Variants in PCDH15 observed in about 807,000 individuals in gnomAD.
The protein encoded by PCDH15 is protocadherin-15.
PCDH15 carries 129 observed loss-of-function variants against 178.5 expected under a neutral mutation model. That is an observed-to-expected ratio of 0.72 (90% CI 0.63 to 0.84). The LOEUF (loss-of-function observed/expected upper bound fraction) is 0.84. PCDH15 is among the 40% of genes least tolerant of loss of function. The pLI is 0.00. For missense variants in PCDH15, 2,230 were observed against 2,099.9 expected, an observed-to-expected ratio of 1.06 and a Z score of -1.21; for synonymous variants, 800 against 732.0, an observed-to-expected ratio of 1.09 and a Z score of -1.50.
chr10:55,155,786 T>C (rs57145148), intron 2 of PCDH15, among the ~76,000 whole-genome samples: 1,985 of 151,628 alleles, frequency 0.013, 38 homozygotes, highest in African/African-American at 0.043. Flanking sequence ...TCAGTGCACA[T>C]AGTATGTCTA....
rs138311722 is a variant in PCDH15, at chr10:55,441,172, C to A, written c.-156+186453G>T. Among the ~76,000 whole-genome samples the A allele has an allele frequency of 3.9e-5, 6 of 152,290 alleles. No individual in the cohort carries two copies. The East Asian group carries it at 1.2e-3, about 29-fold the overall frequency. On this transcript the variant is annotated intron_variant, in intron 2 of 5. Transcript: ENST00000613346. Reference sequence around the variant, plus strand: ...ACCTAAAAGCAGTTTTATCTAATAGCTACTGAAACAACCAGCTCTGACTGT... The same window carrying A: ...ACCTAAAAGCAGTTTTATCTAATAGATACTGAAACAACCAGCTCTGACTGT...
At chr10:54,966,888 C>A (rs1450309081) in intron 2 of PCDH15, among the ~76,000 whole-genome samples, 1 of 152,006 alleles carries the variant, frequency 6.6e-6, no homozygotes. Context: ...TCTTTATCAG[C>A]AGCATGAAAA....
chr10:54,699,419 C>G (rs1352626482), intron 1 of PCDH15, among the ~76,000 whole-genome samples: 1 of 152,074 alleles, frequency 6.6e-6, no homozygotes, highest in Non-Finnish European at 1.5e-5. Flanking sequence ...TTAAGTGACT[C>G]TATCAAGACC....
intron 1 of PCDH15, among the ~76,000 whole-genome samples, chr10:55,181,610 T>A (rs1293925169): frequency 6.6e-6 from 1 of 151,954 alleles, no homozygotes; most frequent in Non-Finnish European, 1.5e-5. Context: ...AGTGTCAACA[T>A]TTTTAAAGAT....
intron 1 of PCDH15, among the ~76,000 whole-genome samples, chr10:55,274,257 A>G (rs1842526013): frequency 6.6e-6 from 1 of 152,110 alleles, no homozygotes; most frequent in South Asian, 2.1e-4. Context: ...AATACACCAC[A>G]GGTGATTATG....
At chr10:54,616,885 G>C (rs1394347211) in intron 2 of PCDH15, among the ~76,000 whole-genome samples, 2 of 151,878 alleles carry the variant, frequency 1.3e-5, no homozygotes, top group South Asian at 2.1e-4. Context: ...TAATAATTTA[G>C]AAGCTTATAA....
chr10:55,565,354 TAA>T (rs1353821045), intron 2 of PCDH15, among the ~76,000 whole-genome samples: 2 of 151,594 alleles, frequency 1.3e-5, no homozygotes, highest in African/African-American at 2.4e-5. Flanking sequence ...AAAGCAGCGC[TAA>T]GAGAGAAATG....
At chr10:54,292,811 TAA>T (rs986705421) in intron 8 of PCDH15, among the ~76,000 whole-genome samples, 4 of 151,850 alleles carry the variant, frequency 2.6e-5, no homozygotes, top group Admixed American at 2.6e-4. Context: ...CTCAATGATA[TAA>T]AAGACACAAA....
At chr10:55,581,815 C>T (rs1186321424) in intron 2 of PCDH15, among the ~76,000 whole-genome samples, 1 of 151,964 alleles carries the variant, frequency 6.6e-6, no homozygotes, top group African/African-American at 2.4e-5. Flanking sequence ...TACATGCGTG[C>T]ACACACACAC....
intron 1 of PCDH15, among the ~76,000 whole-genome samples, chr10:55,244,894 G>T (rs1325326445): frequency 6.6e-6 from 1 of 151,788 alleles, no homozygotes; most frequent in Non-Finnish European, 1.5e-5. Context: ...AATTTTTGCT[G>T]TAGATTAACA....
chr10:55,225,869 G>C (rs1198726979), intron 1 of PCDH15, among the ~76,000 whole-genome samples: 1 of 152,006 alleles, frequency 6.6e-6, no homozygotes, highest in African/African-American at 2.4e-5. Context: ...CAATGTTGAA[G>C]CTAAGATTCT....
rs1841007400 is a variant in PCDH15, at chr10:53,803,836, CT to C, written c.*2742del. The C allele has an allele frequency of 6.6e-6, 1 of 151,946 alleles. No individual in the cohort carries two copies. The highest frequency in any genetic ancestry group is 2.4e-5 in the African/African-American group (1 of 41,420). The allele number at this position is 151,946 out of a possible 1,614,324, so 9.4% of individuals were successfully genotyped here. A position where few individuals can be genotyped will look rare whatever the true frequency, so the allele number is the denominator to read the frequency against. On this transcript the variant is annotated 3_prime_UTR_variant, in exon 38 of 38. Transcript: ENST00000644397. ...CTCGATTAGCCAAGACCTGCTGTTTCTTCTGCCTGATTGAAGCTAGTGCTGA... is the reference window on the plus strand; with the variant it reads ...CTCGATTAGCCAAGACCTGCTGTTTCTCTGCCTGATTGAAGCTAGTGCTGA...
At chr10:54,902,271 T>A (rs2131826554) in intron 2 of PCDH15, among the ~76,000 whole-genome samples, 1 of 152,324 alleles carries the variant, frequency 6.6e-6, no homozygotes, top group East Asian at 1.9e-4. Flanking sequence ...AAAGAGCTGA[T>A]ACACCACTGA....
chr10:54,348,966 C>T (rs1168066156), intron 5 of PCDH15, among the ~76,000 whole-genome samples: 1 of 152,018 alleles, frequency 6.6e-6, no homozygotes, highest in Admixed American at 6.6e-5. Context: ...ATAATGTCTT[C>T]CAGGTTTATC....
rs2092474431 is a variant in PCDH15 at position 54,600,563 on chromosome 10, A to G, written c.91+63609T>C. The G allele has an allele frequency of 1.0e-5, 6 of 585,490 alleles. No homozygotes were observed. In the Middle Eastern group the frequency reaches 1.5e-3, roughly 146 times the overall value. The allele number at this position is 585,490 out of a possible 1,614,324, so 36.3% of individuals were successfully genotyped here. Reference sequence around the variant, plus strand: ...CTACCAAATACATCACTAAAACTGTAACCATCACTCAAATGGTCGAAGAGC... The same window carrying G: ...CTACCAAATACATCACTAAAACTGTGACCATCACTCAAATGGTCGAAGAGC... On this transcript the variant is annotated intron_variant, in intron 2 of 37. Coordinates refer to ENST00000644397, the MANE Select transcript of PCDH15 (RefSeq NM_001384140.1).
At chr10:55,492,054 G>T (rs972796599) in intron 2 of PCDH15, among the ~76,000 whole-genome samples, 1 of 151,658 alleles carries the variant, frequency 6.6e-6, no homozygotes, top group African/African-American at 2.4e-5. Flanking sequence ...TGAACAATAA[G>T]CCATTCTGAT....
intron 6 of PCDH15, among the ~76,000 whole-genome samples, chr10:54,333,121 T>C (rs1267319433): frequency 1.3e-5 from 2 of 152,060 alleles, no homozygotes; most frequent in Non-Finnish European, 2.9e-5. Context: ...TTTTATTTTT[T>C]ACTTTTAGTA....
At chr10:54,332,708 A>C (rs1021288854) in intron 6 of PCDH15, among the ~76,000 whole-genome samples, 6 of 152,022 alleles carry the variant, frequency 3.9e-5, no homozygotes, top group Admixed American at 2.6e-4. Flanking sequence ...GTGATGCAGA[A>C]ATAACCTATC....
intron 2 of PCDH15, among the ~76,000 whole-genome samples, chr10:55,082,247 A>G (rs1214586246): frequency 6.6e-6 from 1 of 152,138 alleles, no homozygotes; most frequent in Non-Finnish European, 1.5e-5. Flanking sequence ...GAATAAAGCT[A>G]GAAATCAAAA....
Sources: allele counts gnomAD v4.1 joint callset (sites outside exome capture counted in the v4.1 genomes callset), GRCh38; gene constraint gnomAD v4.1.1; transcripts MANE v1.5; gene names NCBI Gene and HGNC (gene_info 2026-07-23, HGNC 2026-07-21).